The following CRYBG3 variants were observed in gnomAD, a reference collection of about 807,000 sequenced individuals.
CRYBG3 encodes crystallin beta-gamma domain containing 3.
Under a neutral mutation model 244.2 loss-of-function variants are expected in CRYBG3, and 127 were observed. The ratio of observed to expected loss-of-function variants is 0.52; its 90% confidence interval spans 0.45 to 0.60. The LOEUF (loss-of-function observed/expected upper bound fraction) is 0.60. CRYBG3 is among the 20% of genes least tolerant of loss of function. The probability of loss-of-function intolerance (pLI) is 0.00; values close to 1 mark genes in which losing one functional copy is unlikely to be tolerated. For missense variants in CRYBG3, 3,325 were observed against 3,442.5 expected, an observed-to-expected ratio of 0.97 and a Z score of 0.85; for synonymous variants, 1,132 against 1,195.8, an observed-to-expected ratio of 0.95 and a Z score of 1.10.
At chr3:97,830,884 C>T (rs1413346993) in intron 1 of CRYBG3, among the ~76,000 whole-genome samples, 1 of 152,148 alleles carries the variant, frequency 6.6e-6, no homozygotes, top group Non-Finnish European at 1.5e-5. Flanking sequence ...GAGTTTGGCT[C>T]AAGCTCCCTG....
intron 17 of CRYBG3, among the ~76,000 whole-genome samples, chr3:97,925,773 T>C (rs1440313907): frequency 5.9e-5 from 9 of 152,036 alleles, no homozygotes; most frequent in Non-Finnish European, 5.9e-5. Flanking sequence ...ACAAATATAG[T>C]AAAATTAAAA....
chr3:97,883,068 G>A (rs371108596), intron 7 of CRYBG3, among the ~76,000 whole-genome samples: 4 of 152,138 alleles, frequency 2.6e-5, no homozygotes, highest in South Asian at 4.1e-4. Flanking sequence ...GGGAAGAGGC[G>A]TGTCACCTGG....
At chr3:97,906,135 T>C (rs1303035257) in intron 15 of CRYBG3, among the ~76,000 whole-genome samples, 81 of 150,034 alleles carry the variant, frequency 5.4e-4, no homozygotes, top group African/African-American at 1.6e-3. Context: ...CCATACTGTT[T>C]TGGTTACTGT....
At chr3:97,929,637 T>C (rs1220624218) in intron 17 of CRYBG3, among the ~76,000 whole-genome samples, 1 of 152,030 alleles carries the variant, frequency 6.6e-6, no homozygotes, top group African/African-American at 2.4e-5. Flanking sequence ...CATAATGATA[T>C]CCTTTTGTTG....
At chr3:97,865,558 A>C (rs2039218844) in intron 3 of CRYBG3, among the ~76,000 whole-genome samples, 1 of 152,144 alleles carries the variant, frequency 6.6e-6, no homozygotes, top group Non-Finnish European at 1.5e-5. Context: ...ATCAAGAATA[A>C]TGTTGTGGGG....
intron 2 of CRYBG3, among the ~76,000 whole-genome samples, chr3:97,861,223 C>T (rs1478306377): frequency 6.6e-6 from 1 of 152,162 alleles, no homozygotes; most frequent in Non-Finnish European, 1.5e-5. Context: ...TGTCTTTGTG[C>T]ATACTATGGC....
chr3:97,932,774 TC>T (rs2040112444), intron 17 of CRYBG3, among the ~76,000 whole-genome samples: 1 of 151,990 alleles, frequency 6.6e-6, no homozygotes. Context: ...GATTTGCCGT[TC>T]CCCCAACATG....
intron 16 of CRYBG3, among the ~76,000 whole-genome samples, chr3:97,915,247 ATTGTC>A (rs922699946): frequency 2.0e-5 from 3 of 152,144 alleles, no homozygotes; most frequent in Non-Finnish European, 2.9e-5. Context: ...TAAAGCACAC[ATTGTC>A]TTATTTCAAA....
chr3:97,902,717 T>C (rs1419206498), intron 15 of CRYBG3, among the ~76,000 whole-genome samples: 1 of 152,126 alleles, frequency 6.6e-6, no homozygotes, highest in African/African-American at 2.4e-5. Flanking sequence ...AACACCACCT[T>C]TTATTGAGAA....
intron 1 of CRYBG3, among the ~76,000 whole-genome samples, chr3:97,841,610 C>T (rs566653323): frequency 1.3e-5 from 2 of 152,100 alleles, no homozygotes; most frequent in South Asian, 4.2e-4. Flanking sequence ...CCATCTGATC[C>T]GCTTTGGGAC....
At chr3:97,887,270 G>T (rs1215264321) in intron 8 of CRYBG3, among the ~76,000 whole-genome samples, 1 of 152,176 alleles carries the variant, frequency 6.6e-6, no homozygotes, top group Non-Finnish European at 1.5e-5. Flanking sequence ...TATCTGTTAG[G>T]ACTATGGGTC....
At chr3:97,862,846 C>T (rs1251340056) in intron 2 of CRYBG3, among the ~76,000 whole-genome samples, 1 of 152,088 alleles carries the variant, frequency 6.6e-6, no homozygotes, top group East Asian at 1.9e-4. Flanking sequence ...TCAAACAATG[C>T]CATGTGCTTA....
At chr3:97,869,400 C>A (rs1043829272) in intron 3 of CRYBG3, among the ~76,000 whole-genome samples, 2 of 151,980 alleles carry the variant, frequency 1.3e-5, no homozygotes, top group South Asian at 2.1e-4. Context: ...TTCCATATTG[C>A]ATGTAACAAT....
Position 97,874,536 on chromosome 3 carries a change from G to A in CRYBG3, c.3342G>A (p.Thr1114=), listed in dbSNP as rs2279898. 244,931 of 1,534,822 alleles carry A rather than the reference G, an allele frequency of 0.16. 20,551 individuals carry two copies. Among genetic ancestry groups the A allele is most frequent in the Admixed American group, 0.19 (9,522 of 50,886 alleles). The change falls in exon 4 of 22, where the codon ACG becomes ACA. Residue 1114 remains threonine, a synonymous_variant. Transcript: ENST00000389622. The part of the protein sequence containing the change: ...YPTTSYLEFE[T]SVSIGTEVTP... ...CTACCTCTTATTTGGAATTTGAAAC[G>A]TCTGTCTCAATTGGGACAGAAGTAA...
At chr3:97,933,931 A>G in intron 18 of CRYBG3, 98 bp downstream of exon 18, 2 of 970,516 alleles carry the variant, frequency 2.1e-6, no homozygotes, top group South Asian at 1.8e-5. Flanking sequence ...TACGCATTCA[A>G]GTGGTCTTGA....
intron 4 of CRYBG3, among the ~76,000 whole-genome samples, chr3:97,879,417 C>T (rs2039419900): frequency 1.3e-5 from 2 of 152,112 alleles, no homozygotes; most frequent in African/African-American, 4.8e-5. Context: ...TAGTGTTTTC[C>T]TTGTATTTTA....
Position 97,876,878 on chromosome 3 carries a change from C to T in CRYBG3, c.5684C>T (p.Thr1895Ile). ...ATGCTTCCTGCATTTGAAAGTAAAA[C>T]ACCACAAGAGTATGCTGAAGGGAGT... ...EAMLPAFESK[T>I]PQEYAEGSVE... The change falls in exon 4 of 22, where the codon ACA (threonine) becomes ATA (isoleucine). Residue 1895 changes from threonine to isoleucine, a missense_variant. Thr to Ile is a moderately conservative substitution (Grantham distance 89, BLOSUM62 -1). Coordinates refer to ENST00000389622, the MANE Select transcript of CRYBG3 (RefSeq NM_153605.4). The T allele has an allele frequency of 2.2e-6, 3 of 1,390,552 alleles. No individual in the cohort carries two copies. The highest frequency in any genetic ancestry group is 3.4e-5 in the Admixed American group (1 of 29,648). The allele number at this position is 1,390,552 out of a possible 1,614,324, so 86.1% of individuals were successfully genotyped here.
At chr3:97,921,768 G>A (rs1322151952) in intron 17 of CRYBG3, among the ~76,000 whole-genome samples, 2 of 152,174 alleles carry the variant, frequency 1.3e-5, no homozygotes, top group Middle Eastern at 3.2e-3. Context: ...GGAGTTAACT[G>A]CGACTTTTCA....
intron 17 of CRYBG3, among the ~76,000 whole-genome samples, chr3:97,923,538 A>G (rs1315826470): frequency 6.6e-6 from 1 of 152,026 alleles, no homozygotes; most frequent in Non-Finnish European, 1.5e-5. Context: ...TCTCCCTATT[A>G]CCACTACTAT....
Sources: gnomAD v4.1 joint callset for allele counts (sites outside exome capture counted in the v4.1 genomes callset) on GRCh38, gnomAD v4.1.1 for gene constraint, MANE v1.5 for transcripts, NCBI Gene and HGNC (gene_info 2026-07-23, HGNC 2026-07-21) for gene names.